Variants in NEK10 observed in about 807,000 individuals in gnomAD.
The protein encoded by NEK10 is NIMA related kinase 10, also known as serine/threonine-protein kinase Nek10.
A neutral mutation model predicts 159.8 loss-of-function variants in NEK10; 122 were observed. The observed-to-expected ratio is 0.76, with a 90% confidence interval of 0.66 to 0.89. The LOEUF is 0.89. Ranked by LOEUF, NEK10 falls within the 40% of genes least tolerant of loss-of-function variation. The pLI is 0.00. For synonymous variants in NEK10, 466 were observed against 457.1 expected (o/e 1.02, Z -0.25); for missense variants, 1,342 against 1,323.1 (o/e 1.01, Z -0.22).
intron 26 of NEK10, among the ~76,000 whole-genome samples, chr3:27,182,422 C>T (rs915849025): frequency 6.6e-5 from 10 of 151,966 alleles, no homozygotes; most frequent in Non-Finnish European, 1.3e-4. Flanking sequence ...TAAGAAGAGA[C>T]ATATAATCCA....
Position 27,300,699 on chromosome 3 carries a change from C to T in NEK10, c.1168+997G>A, listed in dbSNP as rs375679631. On this transcript the variant is annotated intron_variant, in intron 13 of 35. Transcript: ENST00000691995. Reference sequence around the variant, plus strand: ...TAACTGTTCTTCTGAATTCTATCACCGTCAATCTCATCCACTCTTTGAATG... The same window carrying T: ...TAACTGTTCTTCTGAATTCTATCACTGTCAATCTCATCCACTCTTTGAATG... 1.1e-3 allele frequency among the ~76,000 whole-genome samples: 171 copies of T among 152,160 alleles called. 4 individuals are homozygous for T. In the South Asian group the frequency reaches 0.016, roughly 14 times the overall value.
intron 23 of NEK10, among the ~76,000 whole-genome samples, chr3:27,244,574 A>G (rs1035412070): frequency 6.6e-6 from 1 of 152,188 alleles, no homozygotes; most frequent in Non-Finnish European, 1.5e-5. Flanking sequence ...AGTAGGCAGT[A>G]TAGGTATAGG....
chr3:27,275,570 T>C (rs570188381), intron 22 of NEK10, among the ~76,000 whole-genome samples: 1 of 152,270 alleles, frequency 6.6e-6, no homozygotes, highest in East Asian at 1.9e-4. Context: ...TATATCCGGT[T>C]AACGGGAAGT....
intron 23 of NEK10, among the ~76,000 whole-genome samples, chr3:27,243,126 G>A (rs909871582): frequency 6.6e-6 from 1 of 152,012 alleles, no homozygotes; most frequent in African/African-American, 2.4e-5. Flanking sequence ...TACTATTTTA[G>A]AGAAAACAAT....
chr3:27,127,613 A>G (rs1356477098), intron 32 of NEK10, among the ~76,000 whole-genome samples: 2 of 152,176 alleles, frequency 1.3e-5, no homozygotes, highest in Non-Finnish European at 2.9e-5. Flanking sequence ...AAATTATGCT[A>G]TTATAATCTT....
intron 23 of NEK10, among the ~76,000 whole-genome samples, chr3:27,250,206 A>C (rs1185309432): frequency 2.1e-5 from 3 of 146,142 alleles, no homozygotes; most frequent in African/African-American, 5.1e-5. Context: ...TTTTTTTTTG[A>C]GATGGAGTCT....
At position 27,265,056 on chromosome 3, in the gene NEK10, A is replaced by G. The variant is rs976412426; in HGVS notation, c.2015-8685T>C. ...GCAAAATTCAACATCTATTCCTTTCAGCAAAATAAGAATAGTTGGGTATTT... is the reference window on the plus strand; with the variant it reads ...GCAAAATTCAACATCTATTCCTTTCGGCAAAATAAGAATAGTTGGGTATTT... On this transcript the variant is annotated intron_variant, in intron 22 of 35. Coordinates refer to ENST00000691995, the MANE Select transcript of NEK10 (RefSeq NM_001394966.1). Among the ~76,000 whole-genome samples, 11 of 152,340 alleles carry G rather than the reference A, an allele frequency of 7.2e-5. No homozygotes were observed. In the South Asian group the frequency reaches 2.3e-3, roughly 32 times the overall value.
chr3:27,111,875 T>C (rs1450872265), intron 35 of NEK10, among the ~76,000 whole-genome samples: 1 of 152,250 alleles, frequency 6.6e-6, no homozygotes, highest in Non-Finnish European at 1.5e-5. Context: ...GCAAGCTAAA[T>C]GCTTATGTAT....
chr3:27,357,558 T>C (rs1182760473), intron 1 of NEK10, among the ~76,000 whole-genome samples: 1 of 152,188 alleles, frequency 6.6e-6, no homozygotes, highest in East Asian at 1.9e-4. Flanking sequence ...TACTTTTGGT[T>C]CAAATCCTGT....
intron 5 of NEK10, among the ~76,000 whole-genome samples, chr3:27,331,237 C>CAAAAAAA (rs11351970): frequency 7.8e-4 from 23 of 29,584 alleles, no homozygotes; most frequent in Admixed American, 2.0e-3. Flanking sequence ...GACTCTGTCT[C>CAAAAAAA]AAAAAAAAAA....
intron 30 of NEK10, among the ~76,000 whole-genome samples, chr3:27,162,062 G>A (rs368507050): frequency 2.6e-5 from 4 of 152,006 alleles, no homozygotes; most frequent in Admixed American, 6.6e-5. Flanking sequence ...ATTTGTGTAA[G>A]GGTAGAGGAG....
rs1951370160 is a variant in NEK10 at position 27,215,032 on chromosome 3, G to C, written c.2091-12475C>G. On this transcript the variant is annotated intron_variant, in intron 23 of 35. Coordinates refer to ENST00000691995, the MANE Select transcript of NEK10 (RefSeq NM_001394966.1). ...CTCCAACTCCGACCTGTTCCCCACCGGCGCCTCCAGCTTTCCTCTTGGCCG... is the reference window on the plus strand; with the variant it reads ...CTCCAACTCCGACCTGTTCCCCACCCGCGCCTCCAGCTTTCCTCTTGGCCG... 12 of 591,636 alleles carry C rather than the reference G, an allele frequency of 2.0e-5. No individual in the cohort carries two copies. In the South Asian group the frequency reaches 2.4e-4, roughly 12 times the overall value. 36.6% of individuals were successfully genotyped at this position (591,636 alleles called of 1,614,324 possible). A position where few individuals can be genotyped will look rare whatever the true frequency, so the allele number is the denominator to read the frequency against.
At chr3:27,269,432 C>A (rs1426650438) in intron 22 of NEK10, among the ~76,000 whole-genome samples, 1 of 152,132 alleles carries the variant, frequency 6.6e-6, no homozygotes, top group African/African-American at 2.4e-5. Context: ...CAACCACCAC[C>A]CTGATCAGTA....
At chr3:27,263,814 A>G (rs897668860) in intron 22 of NEK10, among the ~76,000 whole-genome samples, 1 of 152,058 alleles carries the variant, frequency 6.6e-6, no homozygotes, top group Admixed American at 6.5e-5. Context: ...GGTGCACTGC[A>G]CCCACTGTCC....
chr3:27,241,531 T>C (rs1954559167), intron 23 of NEK10, among the ~76,000 whole-genome samples: 1 of 152,200 alleles, frequency 6.6e-6, no homozygotes, highest in Non-Finnish European at 1.5e-5. Context: ...CTTTCTCCTT[T>C]TGGGTATTCA....
chr3:27,180,382 G>A (rs1294264498), intron 26 of NEK10, among the ~76,000 whole-genome samples: 1 of 138,542 alleles, frequency 7.2e-6, no homozygotes, highest in Admixed American at 7.5e-5. Context: ...GTGACAGAGT[G>A]AGACTGTATC....
Position 27,359,205 on chromosome 3 carries a change from A to AAC in NEK10, c.-37-6287_-37-6286insGT, listed in dbSNP as rs1288901067. Among the ~76,000 whole-genome samples the AAC allele has an allele frequency of 1.1e-3, 160 of 151,904 alleles. 2 individuals are homozygous for AAC. The highest frequency in any genetic ancestry group is 3.8e-3 in the African/African-American group (158 of 41,416). ...CAACAGAATGAAACTCCATTTCAAA[A>AAC]AAAAAAAAAAAATCAATCAATCAAT... On this transcript the variant is annotated intron_variant, in intron 1 of 35. Transcript: ENST00000691995.
At chr3:27,350,498 A>G (rs973438291) in intron 3 of NEK10, among the ~76,000 whole-genome samples, 6 of 152,352 alleles carry the variant, frequency 3.9e-5, no homozygotes, top group South Asian at 2.1e-4. Context: ...CAAATGAATG[A>G]AACTTTTATA....
chr3:27,241,125 A>T (rs1954516273), intron 23 of NEK10, among the ~76,000 whole-genome samples: 1 of 152,180 alleles, frequency 6.6e-6, no homozygotes, highest in Non-Finnish European at 1.5e-5. Flanking sequence ...AAAATCTAAA[A>T]ACAGACTTCA....
Sources: allele counts gnomAD v4.1 joint callset (sites outside exome capture counted in the v4.1 genomes callset), GRCh38; gene constraint gnomAD v4.1.1; transcripts MANE v1.5; gene names NCBI Gene and HGNC (gene_info 2026-07-23, HGNC 2026-07-21).